Variants in NDUFA10 observed in about 807,000 individuals in gnomAD.
NDUFA10 encodes the protein NADH:ubiquinone oxidoreductase subunit A10.
In NDUFA10, 40 loss-of-function variants were observed where a neutral mutation model predicts 47.8. The ratio of observed to expected loss-of-function variants is 0.84; its 90% CI spans 0.65 to 1.09. The LOEUF (loss-of-function observed/expected upper bound fraction) is 1.09, where lower values mean the gene tolerates loss of function less well. Among genes scored for constraint, NDUFA10 ranks in the 50% least tolerant of loss-of-function variants. NDUFA10 has a pLI of 0.00. For missense variants in NDUFA10, 413 were observed against 451.1 expected, an observed-to-expected ratio of 0.92 and a Z score of 0.76; for synonymous variants, 183 against 172.2, an observed-to-expected ratio of 1.06 and a Z score of -0.49.
chr2:239,948,028 T>C (rs1437879712), intron 4 of NDUFA10, among the ~76,000 whole-genome samples: 1 of 152,212 alleles, frequency 6.6e-6, no homozygotes, highest in African/African-American at 2.4e-5. Flanking sequence ...TTACATCCTC[T>C]GGTGGTGAGG....
intron 4 of NDUFA10, among the ~76,000 whole-genome samples, chr2:239,904,862 T>C (rs990105729): frequency 2.0e-5 from 3 of 152,236 alleles, no homozygotes; most frequent in Non-Finnish European, 2.9e-5. Context: ...CCTCGTCCAG[T>C]GTCTGGTGAC....
intron 4 of NDUFA10, among the ~76,000 whole-genome samples, chr2:239,904,220 C>T (rs1559265464): frequency 3.3e-5 from 5 of 152,184 alleles, no homozygotes; most frequent in African/African-American, 4.8e-5. Context: ...CCTGAAACTT[C>T]GCCCCGTACC....
chr2:239,926,813 G>A (rs866642716), intron 4 of NDUFA10, among the ~76,000 whole-genome samples: 5 of 152,276 alleles, frequency 3.3e-5, no homozygotes, highest in African/African-American at 7.2e-5. Flanking sequence ...AGACGTACCC[G>A]AGACCGGGTA....
rs1439030772 is a variant in NDUFA10 at position 239,928,053 on chromosome 2, G to T, written c.295-32739C>A. ...CAAAACACCAGTACCCAGGTAAAGA[G>T]CGACTGAAGTCAAGAAGGGCCCTCC... On this transcript the variant is annotated intron_variant, in intron 4 of 5. Transcript: ENST00000419408. This position sits in a 1 kb window ranked among gnomAD's most constrained non-coding sequence, Gnocchi z 4.3. Among the ~76,000 whole-genome samples, 1 of 152,096 alleles carries T rather than the reference G, an allele frequency of 6.6e-6. No individual in the cohort carries two copies. Among genetic ancestry groups the T allele is most frequent in the Non-Finnish European group, 1.5e-5 (1 of 68,038 alleles).
intron 8 of NDUFA10, among the ~76,000 whole-genome samples, chr2:239,994,229 C>A (rs561584165): frequency 1.3e-5 from 2 of 152,280 alleles, no homozygotes; most frequent in African/African-American, 4.8e-5. Flanking sequence ...CTGTTAGGAA[C>A]CTGGCCACAC....
At chr2:239,913,519 C>T (rs907252684) in intron 4 of NDUFA10, among the ~76,000 whole-genome samples, 4 of 152,192 alleles carry the variant, frequency 2.6e-5, no homozygotes, top group South Asian at 2.1e-4. Flanking sequence ...GCACCTCAGA[C>T]GCCTCCACGT....
At chr2:239,955,995 C>G (rs1694645227), downstream of NDUFA10, among the ~76,000 whole-genome samples, 1 of 152,108 alleles carries the variant, frequency 6.6e-6, no homozygotes, top group Non-Finnish European at 1.5e-5. Context: ...AGGGACCAGC[C>G]ACCCAGGAAA....
In NDUFA10 at chr2:239,924,896, G is replaced by A. The variant is rs144361344; in HGVS notation, c.295-29582C>T. ...AAGAACAACACACGTAAAAATTATT[G>A]TATTTCTGTATAATAGCAATGAGCC... On this transcript the variant is annotated intron_variant, in intron 4 of 5. Transcript: ENST00000419408. Among the ~76,000 whole-genome samples, 578 of 152,124 alleles carry A rather than the reference G, an allele frequency of 3.8e-3. 5 individuals carry two copies. The highest frequency in any genetic ancestry group is 0.013 in the African/African-American group (553 of 41,532).
chr2:239,954,147 C>CT (rs1694609020), downstream of NDUFA10, among the ~76,000 whole-genome samples: 5 of 147,348 alleles, frequency 3.4e-5, no homozygotes, highest in African/African-American at 1.0e-4. Context: ...TGGGTTCCCC[C>CT]GACGGTCAGG....
At chr2:239,990,330 C>G in intron 8 of NDUFA10, 148 bp from the exon 9 acceptor site, 1 of 701,036 alleles carries the variant, frequency 1.4e-6, no homozygotes, top group South Asian at 1.5e-5. Context: ...ATCCCAGCAG[C>G]AAAGCCTTCC....
rs1353817429 is a variant in NDUFA10, at chr2:240,025,307, C to G, written c.-6G>C. ...TTCAGGAGCCGCAAGGCCATGGCTA[C>G]CCGGTCAGCTCAGGATCAAGGACCC... On this transcript the variant is annotated 5_prime_UTR_variant, in exon 1 of 10. Coordinates refer to ENST00000252711, the MANE Select transcript of NDUFA10 (RefSeq NM_004544.4). The G allele has an allele frequency of 6.6e-7, 1 of 1,505,572 alleles. No individual in the cohort carries two copies. The highest frequency in any genetic ancestry group is 8.8e-7 in the Non-Finnish European group (1 of 1,130,814). 93.3% of individuals were successfully genotyped at this position (1,505,572 alleles called of 1,614,324 possible).
intron 4 of NDUFA10, among the ~76,000 whole-genome samples, chr2:239,951,191 G>T (rs982984952): frequency 6.6e-6 from 1 of 152,216 alleles, no homozygotes. Context: ...AGAAGGAGAG[G>T]CTACTATTGA....
intron 5 of NDUFA10, chr2:240,012,635 G>A (rs1697186405): frequency 6.6e-6 from 1 of 152,190 alleles, no homozygotes. Flanking sequence ...TAAAATGGGT[G>A]AATTTTATGG....
chr2:239,897,061 C>G (rs1309431189), intron 4 of NDUFA10, among the ~76,000 whole-genome samples: 1 of 152,018 alleles, frequency 6.6e-6, no homozygotes, highest in Non-Finnish European at 1.5e-5. Flanking sequence ...AATTAATTAC[C>G]TTATTTTGCA....
rs6437245 is a variant in NDUFA10, at chr2:239,903,463, C to T, written c.295-8149G>A. 8.6e-3 allele frequency among the ~76,000 whole-genome samples: 1,314 copies of T among 152,258 alleles called. 26 individuals are homozygous for T. The highest frequency in any genetic ancestry group is 0.03 in the African/African-American group (1,255 of 41,544). ...GCCCTCCCTGGGCTGCTCTGCATGT[C>T]CCAGGACAGGGCAGCTCCTGATGCT... On this transcript the variant is annotated intron_variant, in intron 4 of 5. Transcript: ENST00000419408.
At chr2:239,974,957 A>T (rs1695458832) in intron 9 of NDUFA10, among the ~76,000 whole-genome samples, 1 of 108,366 alleles carries the variant, frequency 9.2e-6, no homozygotes, top group African/African-American at 3.7e-5. Context: ...AAAACATGTG[A>T]CACTCCTCCG....
chr2:239,899,008 G>C lies in NDUFA10; in HGVS notation c.295-3694C>G, dbSNP rs569656060. ...ATGGAGAGGTGTGATGGAGAGGTGT[G>C]ATGGAGGGGAGTCATGGAGGGGTGT... is the stretch of plus-strand genomic sequence containing the variant. On this transcript the variant is annotated intron_variant, in intron 4 of 5. Coordinates refer to the NDUFA10 transcript ENST00000419408. 6.4e-4 allele frequency among the ~76,000 whole-genome samples: 67 copies of C among 104,134 alleles called. 3 individuals are homozygous for C. Among genetic ancestry groups the C allele is most frequent in the Middle Eastern group, 5.2e-3 (1 of 192 alleles). 68.3% of individuals were successfully genotyped at this position (104,134 alleles called of 152,430 possible).
intron 4 of NDUFA10, among the ~76,000 whole-genome samples, chr2:239,938,563 C>T (rs1354923490): frequency 1.3e-5 from 2 of 152,340 alleles, no homozygotes; most frequent in African/African-American, 4.8e-5. Context: ...TCCAGGGCAG[C>T]GTCTCTTCCT....
At chr2:240,020,921 A>T (rs1697593834) in intron 3 of NDUFA10, among the ~76,000 whole-genome samples, 1 of 152,222 alleles carries the variant, frequency 6.6e-6, no homozygotes, top group African/African-American at 2.4e-5. Flanking sequence ...CATTTCATAT[A>T]TAAATGAATA....
Sources: gnomAD v4.1 joint callset for allele counts (sites outside exome capture counted in the v4.1 genomes callset) on GRCh38, gnomAD v4.1.1 for gene constraint, Gnocchi (gnomAD v3.1) non-coding constraint, MANE v1.5 for transcripts, NCBI Gene and HGNC (gene_info 2026-07-23, HGNC 2026-07-21) for gene names.